Variants in POP1 observed in about 807,000 individuals in gnomAD.
The protein encoded by POP1 is POP1 ribonuclease P/MRP subunit, also known as ribonucleases P/MRP protein subunit POP1.
POP1 carries 75 observed loss-of-function variants against 102.2 expected under a neutral mutation model. The ratio of observed to expected loss-of-function variants is 0.73; its 90% CI spans 0.61 to 0.89. POP1 has a LOEUF of 0.89. Among genes scored for constraint, POP1 ranks in the 40% least tolerant of loss-of-function variants. The pLI is 0.00. For missense variants in POP1, 1,116 were observed against 1,267.4 expected (o/e 0.88, Z 1.81); for synonymous variants, 436 against 464.1 (o/e 0.94, Z 0.78).
chr8:98,143,310 C>T (rs1816755287), intron 11 of POP1, among the ~76,000 whole-genome samples: 1 of 152,150 alleles, frequency 6.6e-6, no homozygotes, highest in African/African-American at 2.4e-5. Flanking sequence ...CTAAGAGGGC[C>T]TTCCCCTTAG....
At chr8:98,128,592 T>C in intron 4 of POP1, 52 bp downstream of exon 4, 2 of 1,572,592 alleles carry the variant, frequency 1.3e-6, no homozygotes, top group Non-Finnish European at 1.7e-6. Context: ...CTAGAAGAAA[T>C]TGAGAAGTAT....
At chr8:98,129,906 T>G in intron 4 of POP1, 72 bp from the exon 5 acceptor site, 1 of 1,528,642 alleles carries the variant, frequency 6.5e-7, no homozygotes, top group Non-Finnish European at 9.0e-7. Flanking sequence ...GTTATTTGTT[T>G]GCATTCCTGA....
At chr8:98,126,537 C>G (rs1816211967) in intron 2 of POP1, among the ~76,000 whole-genome samples, 1 of 152,070 alleles carries the variant, frequency 6.6e-6, no homozygotes, top group African/African-American at 2.4e-5. Flanking sequence ...GTAAGCACAC[C>G]CACAAAGACA....
intron 7 of POP1, among the ~76,000 whole-genome samples, chr8:98,135,294 T>A (rs181280081): frequency 2.4e-4 from 37 of 151,784 alleles, no homozygotes; most frequent in African/African-American, 8.5e-4. Context: ...AAAAAACTAA[T>A]CTTGACATCT....
rs763830598 is a variant in POP1 at position 98,130,135 on chromosome 8, T to G, written c.644T>G (p.Val215Gly). Residue 215 changes from valine to glycine, a missense_variant, in exon 5 of 16, where the codon GTC becomes GGC. Transcript: ENST00000401707. ...TGGCACGCCAAGCGGTTTCATATGG[T>G]CAAGAAGTGGGGCTACTGCCTTGGG... The part of the protein sequence containing the change: ...HIWHAKRFHM[V>G]KKWGYCLGER... 7 of 1,614,130 alleles carry G rather than the reference T, an allele frequency of 4.3e-6. No homozygotes were observed. The highest frequency in any genetic ancestry group is 1.3e-5 in the African/African-American group (1 of 75,034).
At position 98,159,186 on chromosome 8, in the gene POP1, A is replaced by G. The variant is rs1809735767; in HGVS notation, c.*915A>G. ...CTCTAGGAAGGAAATGATAGTGTAT[A>G]GTATTTTCTAAATACTTGTGATTCC... On this transcript the variant is annotated 3_prime_UTR_variant, in exon 16 of 16. Transcript: ENST00000401707. The G allele has an allele frequency of 6.6e-6, 1 of 152,212 alleles. No homozygotes were observed. Among genetic ancestry groups the G allele is most frequent in the Non-Finnish European group, 1.5e-5 (1 of 68,036 alleles). The allele number at this position is 152,212 out of a possible 1,614,324, so 9.4% of individuals were successfully genotyped here. A position where few individuals can be genotyped will look rare whatever the true frequency, so the allele number is the denominator to read the frequency against.
Position 98,117,294 on chromosome 8 carries a change from T to TGCGCTCTCCAGC in POP1, c.-87_-76dup, listed in dbSNP as rs1055533324. 10 of 608,436 alleles carry TGCGCTCTCCAGC rather than the reference T, an allele frequency of 1.6e-5. No individual in the cohort carries two copies. Among genetic ancestry groups the TGCGCTCTCCAGC allele is most frequent in the South Asian group, 1.1e-4 (6 of 52,254 alleles). 37.7% of individuals were successfully genotyped at this position (608,436 alleles called of 1,614,324 possible). A position where few individuals can be genotyped will look rare whatever the true frequency, so the allele number is the denominator to read the frequency against. ...TGGAGGAAGCGCCCGGTCTGGCGCATGCGCTCTCCAGCGCGCTCTCCAGGA... is the reference window on the plus strand; with the variant it reads ...TGGAGGAAGCGCCCGGTCTGGCGCATGCGCTCTCCAGCGCGCTCTCCAGCGCGCTCTCCAGGA... On this transcript the variant is annotated 5_prime_UTR_variant, in exon 1 of 16. Transcript: ENST00000401707.
intron 1 of POP1, among the ~76,000 whole-genome samples, chr8:98,121,892 AG>A (rs1816036990): frequency 6.6e-6 from 1 of 151,892 alleles, no homozygotes; most frequent in Non-Finnish European, 1.5e-5. Context: ...TCACTGTGTT[AG>A]CCAAGATGGT....
chr8:98,123,583 C>A, intron 2 of POP1, 104 bp downstream of exon 2: 1 of 1,006,960 alleles, frequency 9.9e-7, no homozygotes, highest in Non-Finnish European at 1.5e-6. Context: ...TCAAGACCAT[C>A]CTGGCCAACA....
rs1809645715 is a variant in POP1, at chr8:98,156,288, C to T, written c.2296C>T (p.Pro766Ser). 3 of 1,613,882 alleles carry T rather than the reference C, an allele frequency of 1.9e-6. No individual in the cohort carries two copies. Among genetic ancestry groups the T allele is most frequent in the African/African-American group, 2.7e-5 (2 of 74,848 alleles). Residue 766 changes from proline to serine, a missense_variant, in exon 15 of 16, where the codon CCC (proline) becomes TCC (serine). Transcript: ENST00000401707. ...SDEVGTSIEHPREAEEVMDAG... is the reference protein window; with the variant it reads ...SDEVGTSIEHSREAEEVMDAG... ...TGAAGTGGGCACATCCATAGAGCACCCCAGGGAGGCAGAGGAGGTAATGGA... is the reference window on the plus strand; with the variant it reads ...TGAAGTGGGCACATCCATAGAGCACTCCAGGGAGGCAGAGGAGGTAATGGA...
chr8:98,156,086 T>G lies in POP1; in HGVS notation c.2094T>G (p.Leu698=), dbSNP rs1287033820. The G allele has an allele frequency of 6.2e-7, 1 of 1,614,094 alleles. No individual in the cohort carries two copies. The highest frequency in any genetic ancestry group is 1.7e-5 in the Admixed American group (1 of 60,028). ...CAAAACGGCCCAACTACGTTAAGCTTGGCACTCTGGCACCTTTCTGCTGTC... is the reference window on the plus strand; with the variant it reads ...CAAAACGGCCCAACTACGTTAAGCTGGGCACTCTGGCACCTTTCTGCTGTC... ...PPAKRPNYVK[L]GTLAPFCCPW... is the part of the protein sequence containing the mutation. Residue 698 remains leucine, a synonymous_variant, in exon 15 of 16, where the codon CTT becomes CTG. Transcript: ENST00000401707.
intron 1 of POP1, among the ~76,000 whole-genome samples, chr8:98,122,920 C>A (rs1325373830): frequency 6.6e-6 from 1 of 152,136 alleles, no homozygotes; most frequent in Non-Finnish European, 1.5e-5. Context: ...AAATCATTAT[C>A]TATTGCTATT....
chr8:98,156,562 A>G (rs1809653959), intron 15 of POP1, 150 bp downstream of exon 15: 1 of 942,510 alleles, frequency 1.1e-6, no homozygotes, highest in South Asian at 1.7e-5. Context: ...TTTATATTTC[A>G]TAGAGGGCTC....
At position 98,150,660 on chromosome 8, in the gene POP1, A is replaced by G. The variant is rs4735530; in HGVS notation, c.2057+21A>G. ...AAAAGGTAAGAAACTGGCTTCTCTA[A>G]TTTGATAATGTATTAAGGAAAAGAG... On this transcript the variant is annotated intron_variant, in intron 14 of 15. Coordinates refer to ENST00000401707, the MANE Select transcript of POP1 (RefSeq NM_001145860.2). 992,239 of 1,611,006 alleles carry G rather than the reference A, an allele frequency of 0.62. 311,039 individuals are homozygous for G. The highest frequency in any genetic ancestry group is 0.93 in the African/African-American group (69,877 of 74,996).
In POP1 at chr8:98,128,546, A is replaced by C; in HGVS notation, c.486+6A>C. On this transcript the variant is annotated splice_donor_region_variant and intron_variant, in intron 4 of 15. Transcript: ENST00000401707. ...AGGAGATTGCCCAGAAAGAGGTAGGAGTTCCACTTAGTGTAAATGTTTAGA... is the reference window on the plus strand; with the variant it reads ...AGGAGATTGCCCAGAAAGAGGTAGGCGTTCCACTTAGTGTAAATGTTTAGA... 6.2e-7 allele frequency: 1 copy of C among 1,613,566 alleles called. No individual in the cohort carries two copies. The highest frequency in any genetic ancestry group is 8.5e-7 in the Non-Finnish European group (1 of 1,179,550).
intron 11 of POP1, among the ~76,000 whole-genome samples, chr8:98,143,575 A>G (rs2130615893): frequency 1.3e-5 from 2 of 151,932 alleles, no homozygotes; most frequent in Non-Finnish European, 2.9e-5. Flanking sequence ...TATATACTCT[A>G]AGTTTGTATT....
At chr8:98,144,318 C>G (rs28632091) in intron 11 of POP1, among the ~76,000 whole-genome samples, 34,127 of 151,844 alleles carry the variant, frequency 0.22, 4,873 homozygotes, top group African/African-American at 0.41. Flanking sequence ...CTCTGTTGCC[C>G]AGACCCGAGT....
intron 1 of POP1, among the ~76,000 whole-genome samples, chr8:98,122,016 A>C (rs991325828): frequency 6.6e-6 from 1 of 151,658 alleles, no homozygotes; most frequent in Non-Finnish European, 1.5e-5. Flanking sequence ...TCTAGTAGAG[A>C]TGGGGTTTCG....
intron 8 of POP1, 59 bp from the exon 9 acceptor site, chr8:98,136,802 C>A: frequency 1.2e-6 from 2 of 1,607,038 alleles, no homozygotes; most frequent in Non-Finnish European, 1.7e-6. Context: ...CCATTTTTGT[C>A]AGTGGCACAG....
Sources: allele counts gnomAD v4.1 joint callset (sites outside exome capture counted in the v4.1 genomes callset), GRCh38; gene constraint gnomAD v4.1.1; transcripts MANE v1.5; gene names NCBI Gene and HGNC (gene_info 2026-07-23, HGNC 2026-07-21).